RANBP2: variants seen among roughly 807,000 people sequenced by gnomAD.
RANBP2 encodes RAN binding protein 2, also known as E3 SUMO-protein ligase RanBP2.
RANBP2 carries 57 observed loss-of-function variants against 303.6 expected under a neutral mutation model. The ratio of observed to expected loss-of-function variants is 0.19; its 90% CI spans 0.15 to 0.23. The LOEUF is 0.23. Ranked by LOEUF, RANBP2 falls within the 10% of genes least tolerant of loss-of-function variation. The pLI is 1.00. For missense variants in RANBP2, 3,138 were observed against 3,780.8 expected (o/e 0.83, Z 4.46); for synonymous variants, 1,167 against 1,301.5 (o/e 0.90, Z 2.23).
At chr2:109,457,682 A>AT in the RANBP2 span, among the ~76,000 whole-genome samples, 22 of 152,374 alleles carry the variant, frequency 1.4e-4, no homozygotes, top group Admixed American at 1.4e-3. Flanking sequence ...GTTCTGCAAA[A>AT]TTCTACTGCT....
chr2:109,357,417 G>A, the RANBP2 span, among the ~76,000 whole-genome samples: 1 of 152,112 alleles, frequency 6.6e-6, no homozygotes, highest in Non-Finnish European at 1.5e-5. Context: ...TCCTGACCTC[G>A]TGATCCACCC....
the RANBP2 span, among the ~76,000 whole-genome samples, chr2:109,388,032 C>T: frequency 1.3e-5 from 2 of 152,304 alleles, no homozygotes; most frequent in Middle Eastern, 3.4e-3. Flanking sequence ...CATCCTGACT[C>T]CTGTTCAGCC....
At chr2:109,130,126 C>T in the RANBP2 span, 3 of 1,290,022 alleles carry the variant, frequency 2.3e-6, no homozygotes, top group Admixed American at 8.2e-5. Flanking sequence ...GAGTATCTGT[C>T]TCGGCGGAAG....
In RANBP2 at chr2:108,741,134, CTG is replaced by C. The variant is rs910393152; in HGVS notation, c.975+455_975+456del. ...AAACACATGTATATAACATTTATGA[CTG>C]TATTGTGTATATGTAACAGTATATC... On this transcript the variant is annotated intron_variant, in intron 7 of 28. Transcript: ENST00000283195. Among the ~76,000 whole-genome samples the C allele has an allele frequency of 1.4e-4, 21 of 152,036 alleles. 1 individual carries two copies. The highest frequency in any genetic ancestry group is 6.4e-3 in the Middle Eastern group (2 of 314).
chr2:108,759,744 G>C (rs1676590301), intron 18 of RANBP2, among the ~76,000 whole-genome samples: 1 of 152,148 alleles, frequency 6.6e-6, no homozygotes, highest in Non-Finnish European at 1.5e-5. Context: ...ATAGGTCCTT[G>C]TAAGAGGATA....
At chr2:108,738,988 A>G (rs1695850956) in intron 6 of RANBP2, among the ~76,000 whole-genome samples, 1 of 152,176 alleles carries the variant, frequency 6.6e-6, no homozygotes, top group Admixed American at 6.5e-5. Context: ...GTAGTCAGAA[A>G]GTGTCATTGC....
the RANBP2 span, among the ~76,000 whole-genome samples, chr2:109,682,211 C>G: frequency 6.6e-6 from 1 of 152,048 alleles, no homozygotes; most frequent in African/African-American, 2.4e-5. Flanking sequence ...GGGGAGGGAC[C>G]CTGACAGTGA....
chr2:109,479,117 G>A, the RANBP2 span, among the ~76,000 whole-genome samples: 1 of 152,174 alleles, frequency 6.6e-6, no homozygotes, highest in Admixed American at 6.5e-5. Context: ...TTCTCAACGT[G>A]GACAGCATGA....
At chr2:109,612,910 A>T in the RANBP2 span, among the ~76,000 whole-genome samples, 1 of 152,238 alleles carries the variant, frequency 6.6e-6, no homozygotes, top group Non-Finnish European at 1.5e-5. Context: ...TGCAATCTGA[A>T]CTGTTTCTAC....
the RANBP2 span, among the ~76,000 whole-genome samples, chr2:109,194,539 T>A: frequency 6.6e-6 from 1 of 152,186 alleles, no homozygotes; most frequent in Non-Finnish European, 1.5e-5. Context: ...CCAGCAGCAC[T>A]GAAGGGCGAG....
chr2:109,604,951 G>C, the RANBP2 span: 1 of 152,172 alleles, frequency 6.6e-6, no homozygotes, highest in Non-Finnish European at 1.5e-5. Flanking sequence ...GCAGGAAAGA[G>C]AATAGGAGAG....
At chr2:109,262,938 C>G in the RANBP2 span, among the ~76,000 whole-genome samples, 2 of 152,074 alleles carry the variant, frequency 1.3e-5, no homozygotes, top group Non-Finnish European at 2.9e-5. Context: ...GTTCCAGCAA[C>G]TCTTCTGTCT....
the RANBP2 span, among the ~76,000 whole-genome samples, chr2:109,166,459 G>GAAAAA: frequency 5.2e-5 from 7 of 134,280 alleles, no homozygotes; most frequent in Admixed American, 7.6e-5. Context: ...CCTGGTGACA[G>GAAAAA]AAAAAAAAAA....
At chr2:109,644,167 C>T in the RANBP2 span, among the ~76,000 whole-genome samples, 2 of 149,868 alleles carry the variant, frequency 1.3e-5, no homozygotes, top group African/African-American at 2.5e-5. Flanking sequence ...CTTAGCCAGG[C>T]GTGGTGGTGC....
At chr2:109,560,652 G>A in the RANBP2 span, among the ~76,000 whole-genome samples, 2 of 152,112 alleles carry the variant, frequency 1.3e-5, no homozygotes, top group Non-Finnish European at 2.9e-5. Context: ...TGTTTCAGAG[G>A]AAACTCAAAG....
the RANBP2 span, among the ~76,000 whole-genome samples, chr2:108,966,647 C>T: frequency 6.6e-6 from 1 of 152,230 alleles, no homozygotes; most frequent in African/African-American, 2.4e-5. Context: ...TTCAGGAACA[C>T]TACTGTGTTT....
the RANBP2 span, among the ~76,000 whole-genome samples, chr2:109,009,863 G>A: frequency 3.3e-5 from 5 of 152,088 alleles, no homozygotes; most frequent in South Asian, 2.1e-4. Context: ...TCAGTCTTTC[G>A]TCTCTGCGCT....
the RANBP2 span, among the ~76,000 whole-genome samples, chr2:109,438,788 C>T: frequency 1.3e-5 from 2 of 152,192 alleles, no homozygotes; most frequent in Admixed American, 6.5e-5. Flanking sequence ...AAGTTGTGCT[C>T]CCTGACTGGT....
At chr2:109,664,324 G>C in the RANBP2 span, among the ~76,000 whole-genome samples, 1 of 152,268 alleles carries the variant, frequency 6.6e-6, no homozygotes, top group South Asian at 2.1e-4. Context: ...AAAATCTCTT[G>C]GCCAGGCACA....
Sources: allele counts gnomAD v4.1 joint callset (sites outside exome capture counted in the v4.1 genomes callset), GRCh38; gene constraint gnomAD v4.1.1; transcripts MANE v1.5; gene names NCBI Gene and HGNC (gene_info 2026-07-23, HGNC 2026-07-21).